Variants in COL22A1 observed in about 807,000 individuals in gnomAD.
The protein encoded by COL22A1 is collagen type XXII alpha 1 chain.
A neutral mutation model predicts 248.9 loss-of-function variants in COL22A1; 221 were observed. The observed-to-expected ratio is 0.89, with a 90% CI of 0.80 to 0.99. COL22A1 has a LOEUF of 0.99. Ranked by LOEUF, COL22A1 falls within the 50% of genes least tolerant of loss-of-function variation. The pLI is 0.00. For missense variants in COL22A1, 2,240 were observed against 2,179.0 expected (o/e 1.03, Z -0.56); for synonymous variants, 891 against 793.4 (o/e 1.12, Z -2.07).
chr8:138,851,635 T>C (rs1342469759), intron 3 of COL22A1, among the ~76,000 whole-genome samples: 1 of 152,142 alleles, frequency 6.6e-6, no homozygotes, highest in Non-Finnish European at 1.5e-5. Flanking sequence ...TGTGTGGAGC[T>C]TTCTCTAGGA....
intron 48 of COL22A1, 94 bp from the exon 49 acceptor site, chr8:138,635,157 A>G (rs993070263): frequency 9.9e-7 from 1 of 1,007,230 alleles, no homozygotes; most frequent in Admixed American, 3.0e-5. Flanking sequence ...TACAGAATCC[A>G]CCTTCCAACC....
At chr8:138,854,548 C>G (rs1318490255) in intron 3 of COL22A1, among the ~76,000 whole-genome samples, 2 of 152,112 alleles carry the variant, frequency 1.3e-5, no homozygotes, top group Non-Finnish European at 2.9e-5. Context: ...ACTGCCCTCC[C>G]CTTTGGCCTG....
chr8:138,804,662 A>G (rs12155960), intron 10 of COL22A1, among the ~76,000 whole-genome samples: 61,514 of 151,932 alleles, frequency 0.4, 15,898 homozygotes, highest in African/African-American at 0.74. Context: ...CACAAAGAGA[A>G]GACTCACCAG....
intron 1 of COL22A1, among the ~76,000 whole-genome samples, chr8:138,887,228 TG>T (rs1032611638): frequency 1.3e-5 from 2 of 150,638 alleles, no homozygotes; most frequent in African/African-American, 4.9e-5. Flanking sequence ...GGTCTCTCAT[TG>T]TTTTTTTTTT....
chr8:138,649,874 T>A, intron 45 of COL22A1, 96 bp from the exon 46 acceptor site: 2 of 703,490 alleles, frequency 2.8e-6, no homozygotes, highest in South Asian at 4.1e-5. Context: ...TCTCTCCAGA[T>A]GGAGATTTGG....
chr8:138,694,583 T>C, intron 33 of COL22A1, 22 bp from the exon 34 acceptor site: 3 of 1,613,430 alleles, frequency 1.9e-6, no homozygotes, highest in Non-Finnish European at 2.5e-6. Flanking sequence ...CAAGTTGCCA[T>C]GAACCAGCTC....
chr8:138,684,387 A>G (rs1246418393), intron 39 of COL22A1, 38 bp downstream of exon 39: 1 of 1,453,336 alleles, frequency 6.9e-7, no homozygotes, highest in African/African-American at 1.4e-5. Flanking sequence ...TCAAACGGCA[A>G]CTCGTGGCAC....
chr8:138,648,826 G>A (rs994876120), intron 46 of COL22A1, among the ~76,000 whole-genome samples: 1 of 151,890 alleles, frequency 6.6e-6, no homozygotes, highest in Non-Finnish European at 1.5e-5. Context: ...TAAGATGAAC[G>A]TATGTGACAA....
intron 45 of COL22A1, among the ~76,000 whole-genome samples, chr8:138,652,531 T>A (rs187573312): frequency 3.3e-5 from 5 of 152,246 alleles, no homozygotes; most frequent in South Asian, 2.1e-4. Context: ...CTCAGGCAAG[T>A]CAATTAATCT....
Position 138,832,342 on chromosome 8 carries a change from G to A in COL22A1, c.845+697C>T, listed in dbSNP as rs142584907. Among the ~76,000 whole-genome samples the A allele has an allele frequency of 1.1e-4, 17 of 152,094 alleles. 1 individual carries two copies. The highest frequency in any genetic ancestry group is 3.9e-4 in the Admixed American group (6 of 15,278). ...ACTCGCCCTGAATGCTTTCTTGCAC[G>A]AGATCCAAGAACCCTCTCTTGGGGT... On this transcript the variant is annotated intron_variant, in intron 5 of 64. Transcript: ENST00000303045.
intron 23 of COL22A1, among the ~76,000 whole-genome samples, chr8:138,737,129 G>C (rs1831177017): frequency 6.6e-6 from 1 of 152,202 alleles, no homozygotes; most frequent in African/African-American, 2.4e-5. Flanking sequence ...CCCCAGGGAA[G>C]GCCCTCCCTC....
chr8:138,729,823 T>A (rs577803355), intron 23 of COL22A1, among the ~76,000 whole-genome samples: 1 of 152,058 alleles, frequency 6.6e-6, no homozygotes, highest in Non-Finnish European at 1.5e-5. Context: ...AAACTCTAAA[T>A]AGAGCAGCCG....
intron 3 of COL22A1, among the ~76,000 whole-genome samples, chr8:138,856,746 G>T (rs1822055735): frequency 6.6e-6 from 1 of 152,192 alleles, no homozygotes; most frequent in South Asian, 2.1e-4. Flanking sequence ...AGGAGCTTTT[G>T]TGTGGGCGGC....
intron 62 of COL22A1, among the ~76,000 whole-genome samples, chr8:138,594,515 A>G (rs115435329): frequency 3.1e-4 from 47 of 152,294 alleles, no homozygotes; most frequent in African/African-American, 1.1e-3. Flanking sequence ...GGATCCCAGG[A>G]CAGCCACGGA....
chr8:138,703,371 A>G, intron 30 of COL22A1, 24 bp from the exon 31 acceptor site: 2 of 1,608,766 alleles, frequency 1.2e-6, no homozygotes, highest in Non-Finnish European at 1.7e-6. Context: ...TGGAAAATCC[A>G]TGACCATTAA....
In COL22A1 at chr8:138,716,283, C is replaced by A. The variant is rs766418317; in HGVS notation, c.2407G>T (p.Ala803Ser). ...LAGRPGEKGE[A>S]GLPGAPGFPG... is the part of the protein sequence containing the mutation. ...AAGCCTGGAGCCCCTGGGAGGCCTG[C>A]TTCTCCCTGTGAGAACAAAATATTC... The change falls in exon 29 of 65, where the codon GCA becomes TCA. Residue 803 changes from alanine to serine, a missense_variant. By Grantham distance (99) the Ala-to-Ser change is moderately conservative. Transcript: ENST00000303045. The A allele has an allele frequency of 6.3e-7, 1 of 1,588,170 alleles. No individual in the cohort carries two copies. Among genetic ancestry groups the A allele is most frequent in the Non-Finnish European group, 8.6e-7 (1 of 1,165,236 alleles).
rs754237041 is a variant in COL22A1, at chr8:138,596,938, C to A, written c.4398G>T (p.Arg1466=). The part of the protein sequence containing the change: ...GESPSMETLR[R]LIQEELGKQL... ...GCTTCCCCAGCTCTTCTTGAATAAGCCGACGCAGGGTTTCCATGGATGGAG... is the reference window on the plus strand; with the variant it reads ...GCTTCCCCAGCTCTTCTTGAATAAGACGACGCAGGGTTTCCATGGATGGAG... The change falls in exon 62 of 65, where the codon CGG becomes CGT. Residue 1466 remains arginine, a synonymous_variant. Coordinates refer to ENST00000303045, the MANE Select transcript of COL22A1 (RefSeq NM_152888.3). The A allele has an allele frequency of 1.2e-5, 19 of 1,613,894 alleles. No individual in the cohort carries two copies. In the African/African-American group the frequency reaches 2.4e-4, roughly 20 times the overall value.
intron 1 of COL22A1, among the ~76,000 whole-genome samples, chr8:138,884,177 C>T (rs926455897): frequency 2.6e-5 from 4 of 152,196 alleles, no homozygotes; most frequent in African/African-American, 7.2e-5. Flanking sequence ...TTTCCCAGAC[C>T]ACTCACTTCC....
chr8:138,804,077 C>T (rs1433071627), intron 10 of COL22A1, among the ~76,000 whole-genome samples: 1 of 152,198 alleles, frequency 6.6e-6, no homozygotes, highest in Admixed American at 6.5e-5. Context: ...TCATACTATC[C>T]CAATCCTCTC....
Sources: allele counts gnomAD v4.1 joint callset (sites outside exome capture counted in the v4.1 genomes callset), GRCh38; gene constraint gnomAD v4.1.1; transcripts MANE v1.5; gene names NCBI Gene and HGNC (gene_info 2026-07-23, HGNC 2026-07-21).